The following EHBP1 variants were observed in gnomAD, a reference collection of about 807,000 sequenced individuals.
The protein encoded by EHBP1 is EH domain-binding protein 1.
Under a neutral mutation model 144.0 loss-of-function variants are expected in EHBP1, and 55 were observed. The observed-to-expected ratio is 0.38, with a 90% CI of 0.31 to 0.48. EHBP1 has a LOEUF of 0.48. EHBP1 is among the 20% of genes least tolerant of loss of function. EHBP1 has a pLI of 0.98. For missense variants in EHBP1, 1,200 were observed against 1,364.2 expected, an observed-to-expected ratio of 0.88 and a Z score of 1.90; for synonymous variants, 469 against 472.7, an observed-to-expected ratio of 0.99 and a Z score of 0.10.
At chr2:62,963,657 G>A (rs565192753) in intron 14 of EHBP1, among the ~76,000 whole-genome samples, 2 of 152,096 alleles carry the variant, frequency 1.3e-5, no homozygotes, top group Non-Finnish European at 2.9e-5. Flanking sequence ...GAAGAAGTAC[G>A]TTAACTTTAC....
rs907276208 is a variant in EHBP1 at position 62,896,262 on chromosome 2, G to A, written c.1185+21730G>A. Among the ~76,000 whole-genome samples the A allele has an allele frequency of 3.9e-5, 6 of 152,298 alleles. No individual in the cohort carries two copies. The East Asian group carries it at 5.8e-4, about 15-fold the overall frequency. ...TCCTTGAAGCAAGTAATAACTTGTC[G>A]TGTTTAAAGAATCGAAAAAAGGCTA... On this transcript the variant is annotated intron_variant, in intron 10 of 22. Coordinates refer to ENST00000431489, the MANE Select transcript of EHBP1 (RefSeq NM_001142616.3).
chr2:62,917,450 G>A (rs1280883469), intron 10 of EHBP1, among the ~76,000 whole-genome samples: 1 of 152,102 alleles, frequency 6.6e-6, no homozygotes, highest in Admixed American at 6.5e-5. Context: ...GCGCACGTGT[G>A]CACACAGATG....
At chr2:62,684,422 CT>C (rs1295625347) in intron 1 of EHBP1, among the ~76,000 whole-genome samples, 1 of 152,112 alleles carries the variant, frequency 6.6e-6, no homozygotes, top group African/African-American at 2.4e-5. Context: ...CAAAGTAAAG[CT>C]TTTCAGCAAG....
chr2:62,891,362 CTT>C (rs1329769362), intron 10 of EHBP1, among the ~76,000 whole-genome samples: 1 of 152,010 alleles, frequency 6.6e-6, no homozygotes, highest in Admixed American at 6.6e-5. Flanking sequence ...TTTACTTAAA[CTT>C]TTTGTTTGGC....
intron 7 of EHBP1, among the ~76,000 whole-genome samples, chr2:62,835,042 G>A (rs972052104): frequency 2.6e-5 from 4 of 152,102 alleles, no homozygotes; most frequent in Non-Finnish European, 5.9e-5. Flanking sequence ...ATTATAATTT[G>A]TATCAGTTTG....
In EHBP1 at chr2:63,045,143, G is replaced by A; in HGVS notation, c.3355G>A (p.Asp1119Asn). The A allele has an allele frequency of 2.5e-6, 4 of 1,596,502 alleles. No individual in the cohort carries two copies. Among genetic ancestry groups the A allele is most frequent in the East Asian group, 2.3e-5 (1 of 43,956 alleles). The change falls in exon 22 of 23, where the codon GAT (aspartate) becomes AAT (asparagine). Residue 1119 changes from aspartate to asparagine, a missense_variant. By Grantham distance (23) the Asp-to-Asn change is conservative. This residue lies in a region of EHBP1 where 149 missense variants were observed against 217.0 expected (regional missense o/e 0.69). Transcript: ENST00000431489. This position sits in a 1 kb window ranked among gnomAD's most constrained non-coding sequence, Gnocchi z 5.7. Reference sequence around the variant, plus strand: ...GCTGGTGGCCCTGGTGAACAAGCGCGATGCGCTCGTCAGGGACCTGGACGC... The same window carrying A: ...GCTGGTGGCCCTGGTGAACAAGCGCAATGCGCTCGTCAGGGACCTGGACGC... ...DELVALVNKR[D>N]ALVRDLDAQE...
chr2:62,959,181 A>C (rs1459438982), intron 14 of EHBP1, among the ~76,000 whole-genome samples: 6 of 152,198 alleles, frequency 3.9e-5, no homozygotes, highest in African/African-American at 1.4e-4. Context: ...ATCAAGGCTC[A>C]TCTATGTTGT....
intron 15 of EHBP1, among the ~76,000 whole-genome samples, chr2:62,990,044 C>T (rs545853899): frequency 1.3e-5 from 2 of 152,064 alleles, no homozygotes; most frequent in South Asian, 4.2e-4. Flanking sequence ...GAGGAGTTGC[C>T]TTTTATTAAT....
At chr2:63,011,823 A>G (rs573983651) in intron 19 of EHBP1, among the ~76,000 whole-genome samples, 1 of 152,128 alleles carries the variant, frequency 6.6e-6, no homozygotes, top group African/African-American at 2.4e-5. Flanking sequence ...AAGGAGATAA[A>G]TAATTTTGCA....
chr2:62,820,412 G>T (rs2045843084), intron 5 of EHBP1, among the ~76,000 whole-genome samples: 1 of 151,404 alleles, frequency 6.6e-6, no homozygotes, highest in African/African-American at 2.4e-5. Flanking sequence ...GTACAATTCA[G>T]TGCCATTGAG....
At chr2:62,792,321 C>G (rs1295012177) in intron 5 of EHBP1, among the ~76,000 whole-genome samples, 1 of 151,980 alleles carries the variant, frequency 6.6e-6, no homozygotes, top group Non-Finnish European at 1.5e-5. Context: ...TATATTAGTG[C>G]CTTTCTTTTC....
rs142419471 is a variant in EHBP1 at position 62,800,604 on chromosome 2, T to A, written c.313-25483T>A. On this transcript the variant is annotated intron_variant, in intron 5 of 22. Transcript: ENST00000431489. ...TGTGAAACAGCCTAAAACAAGCTAG[T>A]GATTTATAAATCTTAGGGTTTTTGT... is the stretch of plus-strand genomic sequence containing the variant. Among the ~76,000 whole-genome samples, 3 of 152,326 alleles carry A rather than the reference T, an allele frequency of 2.0e-5. No homozygotes were observed. The East Asian group carries it at 5.8e-4, about 29-fold the overall frequency.
intron 9 of EHBP1, among the ~76,000 whole-genome samples, chr2:62,866,081 G>A (rs2050010642): frequency 6.6e-6 from 1 of 152,176 alleles, no homozygotes; most frequent in South Asian, 2.1e-4. Flanking sequence ...AGAATAATTT[G>A]TGTTCCCACC....
intron 3 of EHBP1, among the ~76,000 whole-genome samples, chr2:62,750,315 A>C (rs2039561674): frequency 6.6e-6 from 1 of 152,094 alleles, no homozygotes; most frequent in South Asian, 2.1e-4. Flanking sequence ...ATTATTTCTG[A>C]GGGCTCTGTT....
chr2:62,749,897 A>G (rs111286787), intron 3 of EHBP1, among the ~76,000 whole-genome samples: 132 of 152,162 alleles, frequency 8.7e-4, no homozygotes, highest in African/African-American at 2.8e-3. Context: ...TTTGTCAGAT[A>G]AGTAGGTTGC....
At chr2:63,004,237 T>A (rs1000541078) in intron 19 of EHBP1, among the ~76,000 whole-genome samples, 3 of 151,994 alleles carry the variant, frequency 2.0e-5, no homozygotes. Flanking sequence ...TTGGTAACAG[T>A]TCAGTTCACA....
chr2:62,938,032 A>G (rs1055863131), intron 10 of EHBP1, among the ~76,000 whole-genome samples: 7 of 152,228 alleles, frequency 4.6e-5, no homozygotes, highest in African/African-American at 1.4e-4. Flanking sequence ...ACTGCCTGCA[A>G]AATTAACTAG....
rs777178853 is a variant in EHBP1, at chr2:62,874,350, A to G, written c.1003A>G (p.Asn335Asp). 12 of 1,582,224 alleles carry G rather than the reference A, an allele frequency of 7.6e-6. No individual in the cohort carries two copies. The highest frequency in any genetic ancestry group is 1.2e-5 in the South Asian group (1 of 85,052). ...KTEEEELDES[N>D]PFYEPKSTPP... ...AATAATTCTTCTTTCACTTAGATCA[A>G]ATCCTTTTTATGAACCTAAATCAAC... The change falls in exon 10 of 23, where the codon AAT (asparagine) becomes GAT (aspartate). Residue 335 changes from asparagine (N) to aspartate (D), a missense_variant. Coordinates refer to ENST00000431489, the MANE Select transcript of EHBP1 (RefSeq NM_001142616.3).
At chr2:62,805,020 T>C (rs536380619) in intron 5 of EHBP1, among the ~76,000 whole-genome samples, 4 of 152,278 alleles carry the variant, frequency 2.6e-5, no homozygotes, top group South Asian at 2.1e-4. Context: ...GCCAGAAAGA[T>C]TGGGGACAGC....
Sources: allele counts gnomAD v4.1 joint callset (sites outside exome capture counted in the v4.1 genomes callset), GRCh38; gene constraint gnomAD v4.1.1; regional missense constraint gnomAD v4.1.1; non-coding constraint Gnocchi (gnomAD v3.1); transcripts MANE v1.5; gene names NCBI Gene and HGNC (gene_info 2026-07-23, HGNC 2026-07-21).